The following SUZ12 variants were observed in gnomAD, a reference collection of about 807,000 sequenced individuals.
SUZ12 encodes polycomb protein SUZ12.
SUZ12 carries 17 observed loss-of-function variants against 87.3 expected under a neutral mutation model. That is an observed-to-expected ratio of 0.19 (90% CI 0.13 to 0.29). The LOEUF is 0.29. Among genes scored for constraint, SUZ12 ranks in the 10% least tolerant of loss-of-function variants. The probability of loss-of-function intolerance (pLI) is 1.00; values close to 1 mark genes in which losing one functional copy is unlikely to be tolerated. For synonymous variants in SUZ12, 253 were observed against 312.4 expected (o/e 0.81, Z 2.01); for missense variants, 526 against 912.2 (o/e 0.58, Z 5.45).
chr17:31,945,313 C>T (rs891153592), intron 3 of SUZ12, among the ~76,000 whole-genome samples: 12 of 152,054 alleles, frequency 7.9e-5, no homozygotes, highest in African/African-American at 2.7e-4. Flanking sequence ...CATATCACTC[C>T]CTTTAAAGTC....
In SUZ12 at chr17:31,994,620, C is replaced by A; in HGVS notation, c.1494C>A (p.Ser498=). The A allele has an allele frequency of 6.2e-7, 1 of 1,613,882 alleles. No homozygotes were observed. The highest frequency in any genetic ancestry group is 8.5e-7 in the Non-Finnish European group (1 of 1,179,986). ...DVSINECYDG[S]YAGNPQDIHR... ...CTATCAATGAGTGTTATGATGGCTCCTATGCAGGAAATCCTCAGGATATTC... is the reference window on the plus strand; with the variant it reads ...CTATCAATGAGTGTTATGATGGCTCATATGCAGGAAATCCTCAGGATATTC... The change falls in exon 13 of 16, where the codon TCC becomes TCA. Residue 498 remains serine (S), a synonymous_variant. Coordinates refer to ENST00000322652, the MANE Select transcript of SUZ12 (RefSeq NM_015355.4).
chr17:31,960,559 A>G (rs551819892), intron 4 of SUZ12, among the ~76,000 whole-genome samples: 3 of 151,710 alleles, frequency 2.0e-5, no homozygotes, highest in Admixed American at 6.6e-5. Flanking sequence ...AGCAAGTCAC[A>G]TTCCCAATGT....
At chr17:31,963,943 C>CTTTCTA (rs1567822501) in intron 4 of SUZ12, 177 of 152,314 alleles carry the variant, frequency 1.2e-3, no homozygotes, top group African/African-American at 3.9e-3. Context: ...CACCGGCCCT[C>CTTTCTA]TGCTTTCTAA....
chr17:31,944,517 G>C (rs1291814770), intron 3 of SUZ12, among the ~76,000 whole-genome samples: 2 of 152,076 alleles, frequency 1.3e-5, no homozygotes, highest in Non-Finnish European at 2.9e-5. Context: ...TGTCCGCATG[G>C]GTAGAGATAA....
At chr17:31,974,407 G>A (rs530246104) in intron 6 of SUZ12, among the ~76,000 whole-genome samples, 1 of 152,226 alleles carries the variant, frequency 6.6e-6, no homozygotes, top group African/African-American at 2.4e-5. Flanking sequence ...GGCACCTGTA[G>A]TGCCAGCTAC....
intron 4 of SUZ12, among the ~76,000 whole-genome samples, chr17:31,956,026 C>T (rs1907311003): frequency 6.6e-6 from 1 of 151,956 alleles, no homozygotes; most frequent in Non-Finnish European, 1.5e-5. Context: ...CATTCTTCTG[C>T]CTCAGCCTCC....
chr17:31,944,912 T>A (rs530007211), intron 3 of SUZ12, among the ~76,000 whole-genome samples: 2 of 152,028 alleles, frequency 1.3e-5, no homozygotes, highest in East Asian at 3.9e-4. Context: ...ACAAAAATTT[T>A]AAAAAATTAG....
chr17:31,941,608 G>A (rs1409308689), intron 3 of SUZ12, among the ~76,000 whole-genome samples: 1 of 151,540 alleles, frequency 6.6e-6, no homozygotes, highest in African/African-American at 2.4e-5. Context: ...GGAGTGCAGT[G>A]GCGCAACCTC....
At chr17:31,938,920 A>G (rs1465977826) in intron 1 of SUZ12, among the ~76,000 whole-genome samples, 4 of 152,196 alleles carry the variant, frequency 2.6e-5, no homozygotes, top group Non-Finnish European at 5.9e-5. Flanking sequence ...TGTTTACTGG[A>G]AAGTTTAAAT....
At chr17:31,969,257 G>A (rs1285323641) in intron 5 of SUZ12, among the ~76,000 whole-genome samples, 2 of 152,058 alleles carry the variant, frequency 1.3e-5, no homozygotes, top group Non-Finnish European at 2.9e-5. Flanking sequence ...CAATTCTGTT[G>A]CCTCAGCCTC....
At chr17:31,944,162 C>A (rs185653900) in intron 3 of SUZ12, among the ~76,000 whole-genome samples, 474 of 151,824 alleles carry the variant, frequency 3.1e-3, no homozygotes, top group Non-Finnish European at 4.9e-3. Flanking sequence ...GAGTTTCGCT[C>A]TTGTTGCCCA....
At chr17:31,946,245 C>CT (rs1354280849) in intron 3 of SUZ12, among the ~76,000 whole-genome samples, 1 of 152,058 alleles carries the variant, frequency 6.6e-6, no homozygotes, top group African/African-American at 2.4e-5. Context: ...ATAAATAGCT[C>CT]TTTTTTGGCC....
At chr17:31,953,737 CTG>C in intron 4 of SUZ12, among the ~76,000 whole-genome samples, 1 of 139,366 alleles carries the variant, frequency 7.2e-6, no homozygotes, top group South Asian at 2.3e-4. Context: ...TTTTTGGAGA[CTG>C]AGTCTCGCCC....
At chr17:31,960,849 G>A (rs1463773762) in intron 4 of SUZ12, among the ~76,000 whole-genome samples, 4 of 152,154 alleles carry the variant, frequency 2.6e-5, no homozygotes, top group East Asian at 3.9e-4. Context: ...AAGTGCTGGG[G>A]TTATAGGTGT....
intron 4 of SUZ12, among the ~76,000 whole-genome samples, chr17:31,954,494 G>T (rs907139393): frequency 3.3e-5 from 5 of 152,082 alleles, no homozygotes; most frequent in Admixed American, 6.6e-5. Flanking sequence ...CATTTATGTA[G>T]TGTGCAATGT....
At position 31,940,477 on chromosome 17, in the gene SUZ12, A is replaced by T. The variant is rs1906206173; in HGVS notation, c.377A>T (p.Asn126Ile). ...TYMSHRNSRT[N>I]IKRKTFKVDD... ...ATGTCTCATCGAAACTCCAGAACAA[A>T]CATCAAAAGGTACATTTTATGAATC... The change falls in exon 3 of 16, where the codon AAC becomes ATC. Residue 126 changes from asparagine (N) to isoleucine (I), a missense_variant. By Grantham distance (149) the Asn-to-Ile change is moderately radical (BLOSUM62 -3). Coordinates refer to ENST00000322652, the MANE Select transcript of SUZ12 (RefSeq NM_015355.4). The T allele has an allele frequency of 2.5e-6, 4 of 1,575,386 alleles. No individual in the cohort carries two copies. The highest frequency in any genetic ancestry group is 3.4e-6 in the Non-Finnish European group (4 of 1,160,126).
Position 31,983,039 on chromosome 17 carries a change from C to T in SUZ12, c.958C>T (p.Gln320Ter). The T allele has an allele frequency of 6.2e-7, 1 of 1,613,484 alleles. No individual in the cohort carries two copies. Among genetic ancestry groups the T allele is most frequent in the Non-Finnish European group, 8.5e-7 (1 of 1,179,692 alleles). The change falls in exon 9 of 16, where the codon CAG (glutamine) becomes TAG (stop). Residue 320 changes from glutamine (Q) to a stop codon, truncating the protein, a stop_gained. Transcript: ENST00000322652. LOFTEE classifies it high-confidence loss of function. The part of the protein sequence containing the change: ...LLDGEYEVAM[Q>*]EMEECPISKK... ...AGATGGGGAATATGAAGTAGCCATGCAGGAAATGGAAGAATGTCCAATAAG... is the reference window on the plus strand; with the variant it reads ...AGATGGGGAATATGAAGTAGCCATGTAGGAAATGGAAGAATGTCCAATAAG...
At chr17:31,957,758 C>T (rs1045982344) in intron 4 of SUZ12, among the ~76,000 whole-genome samples, 4 of 151,328 alleles carry the variant, frequency 2.6e-5, no homozygotes, top group African/African-American at 9.8e-5. Flanking sequence ...GTTGGCCAGG[C>T]TGGCCTCGAA....
At chr17:31,994,426 C>T in intron 12 of SUZ12, 138 bp from the exon 13 acceptor site, 1 of 679,448 alleles carries the variant, frequency 1.5e-6, no homozygotes. Context: ...GGTCTTCTGA[C>T]TGCCTGTTTA....
Sources: allele counts gnomAD v4.1 joint callset (sites outside exome capture counted in the v4.1 genomes callset), GRCh38; gene constraint gnomAD v4.1.1; transcripts MANE v1.5; gene names NCBI Gene and HGNC (gene_info 2026-07-23, HGNC 2026-07-21).